Variants in POLR3B observed in about 807,000 individuals in gnomAD.
POLR3B encodes the protein RNA polymerase III subunit B.
POLR3B carries 96 observed loss-of-function variants against 147.4 expected under a neutral mutation model. The ratio of observed to expected loss-of-function variants is 0.65; its 90% CI spans 0.55 to 0.77. The LOEUF is 0.77. Among genes scored for constraint, POLR3B ranks in the 30% least tolerant of loss-of-function variants. The pLI, the probability that POLR3B is intolerant of heterozygous loss-of-function variation, is 0.00. For synonymous variants in POLR3B, 461 were observed against 485.9 expected, an observed-to-expected ratio of 0.95 and a Z score of 0.67; for missense variants, 1,036 against 1,413.5, an observed-to-expected ratio of 0.73 and a Z score of 4.28.
rs1184749525 is a variant in POLR3B, at chr12:106,457,200, A to G, written c.2356A>G (p.Thr786Ala). The G allele has an allele frequency of 1.2e-6, 2 of 1,613,032 alleles. No homozygotes were observed. Among genetic ancestry groups the G allele is most frequent in the Non-Finnish European group, 1.7e-6 (2 of 1,179,044 alleles). The change falls in exon 21 of 28, where the codon ACT (threonine) becomes GCT (alanine). Residue 786 changes from threonine to alanine, a missense_variant. Physicochemically the swap from Thr to Ala is moderately conservative, Grantham distance 58. This residue lies in a region of POLR3B where 202 missense variants were observed against 272.8 expected (regional missense o/e 0.74). Transcript: ENST00000228347. ...TACGTTGAAACGATACACCAATCAG[A>G]CTTTTGATAAAGTGATGGGGCCCAT... ...KCTLKRYTNQ[T>A]FDKVMGPMLD...
intron 19 of POLR3B, among the ~76,000 whole-genome samples, chr12:106,450,242 A>G (rs2037778157): frequency 6.6e-6 from 1 of 152,222 alleles, no homozygotes; most frequent in African/African-American, 2.4e-5. Context: ...AAAATATATT[A>G]TAGCCCTAAA....
chr12:106,413,831 T>A (rs539503670), intron 12 of POLR3B, among the ~76,000 whole-genome samples: 10 of 152,204 alleles, frequency 6.6e-5, no homozygotes, highest in African/African-American at 2.4e-4. Flanking sequence ...GTTTTTCTAA[T>A]TTAGCTCTTA....
chr12:106,367,824 A>G (rs1009442855), intron 4 of POLR3B, among the ~76,000 whole-genome samples: 1 of 152,186 alleles, frequency 6.6e-6, no homozygotes, highest in Non-Finnish European at 1.5e-5. Flanking sequence ...GACTATGCAA[A>G]TACCGTTTCT....
intron 10 of POLR3B, among the ~76,000 whole-genome samples, chr12:106,396,600 C>T (rs1213185578): frequency 6.6e-6 from 1 of 152,058 alleles, no homozygotes; most frequent in Non-Finnish European, 1.5e-5. Flanking sequence ...AATATGCAAT[C>T]CTGAATGCAT....
Position 106,375,336 on chromosome 12 carries a change from A to T in POLR3B, c.405-1023A>T, listed in dbSNP as rs192394482. 1.1e-3 allele frequency among the ~76,000 whole-genome samples: 167 copies of T among 152,164 alleles called. 4 individuals carry two copies. The East Asian group carries it at 0.017, about 16-fold the overall frequency. ...GTAGCTTTCTTTTTATCTTGTGCAG[A>T]TGTTACCGTGAGGATTTATGGCTTT... On this transcript the variant is annotated intron_variant, in intron 6 of 27. Transcript: ENST00000228347.
chr12:106,480,443 G>A (rs1486755523), intron 23 of POLR3B, among the ~76,000 whole-genome samples: 2 of 152,134 alleles, frequency 1.3e-5, no homozygotes, highest in Non-Finnish European at 2.9e-5. Context: ...GAATGAGGGT[G>A]GGGCAGTGCT....
At chr12:106,365,957 G>T (rs900772572) in intron 2 of POLR3B, among the ~76,000 whole-genome samples, 1 of 151,866 alleles carries the variant, frequency 6.6e-6, no homozygotes, top group Non-Finnish European at 1.5e-5. Flanking sequence ...CCATCTCCAT[G>T]CCTTGTCCCA....
In POLR3B at chr12:106,477,752, C is replaced by T. The variant is rs542204613; in HGVS notation, c.2713+14132C>T. ...CAGGGTACGCGCACCCACTGGCCTG[C>T]GCCCACTGTCTGGCACTCCCTACTG... is the stretch of plus-strand genomic sequence containing the variant. On this transcript the variant is annotated intron_variant, in intron 23 of 27. Transcript: ENST00000228347. 8.1e-3 allele frequency among the ~76,000 whole-genome samples: 1,229 copies of T among 152,194 alleles called. 16 individuals are homozygous for T. Among genetic ancestry groups the T allele is most frequent in the African/African-American group, 0.028 (1,167 of 41,528 alleles).
chr12:106,427,381 A>C lies in POLR3B; in HGVS notation c.1263+23A>C, dbSNP rs375807284. Reference sequence around the variant, plus strand: ...ACCGTAAGTCTTCAGTCACTCTTTTAGGATTTTGTAATTTATTTGTAAACC... The same window carrying C: ...ACCGTAAGTCTTCAGTCACTCTTTTCGGATTTTGTAATTTATTTGTAAACC... On this transcript the variant is annotated intron_variant, in intron 13 of 27. Coordinates refer to ENST00000228347, the MANE Select transcript of POLR3B (RefSeq NM_018082.6). 104 of 1,603,468 alleles carry C rather than the reference A, an allele frequency of 6.5e-5. No individual in the cohort carries two copies. The African/African-American group carries it at 1.3e-3, about 20-fold the overall frequency.
chr12:106,385,110 C>T (rs1404962372), intron 9 of POLR3B, among the ~76,000 whole-genome samples: 2 of 152,166 alleles, frequency 1.3e-5, no homozygotes, highest in East Asian at 3.8e-4. Context: ...GTGTAAGCCA[C>T]AGCGCCTGGC....
chr12:106,435,090 G>C (rs1004123730), intron 16 of POLR3B, among the ~76,000 whole-genome samples: 1 of 151,928 alleles, frequency 6.6e-6, no homozygotes, highest in Non-Finnish European at 1.5e-5. Flanking sequence ...CTGAGGCTGA[G>C]CATTTCACCT....
chr12:106,376,464 C>A lies in POLR3B; in HGVS notation c.496+14C>A. 6.4e-7 allele frequency: 1 copy of A among 1,568,574 alleles called. No individual in the cohort carries two copies. Among genetic ancestry groups the A allele is most frequent in the Non-Finnish European group, 8.8e-7 (1 of 1,139,830 alleles). On this transcript the variant is annotated intron_variant, in intron 7 of 27. Transcript: ENST00000228347. ...CCTTAGATCCAGGTATGTGTGAAGT[C>A]TTGGATTTGTCCCACTTTCCTTATT... is the stretch of plus-strand genomic sequence containing the variant.
rs184906472 is a variant in POLR3B at position 106,487,380 on chromosome 12, G to A, written c.2714-8675G>A. Among the ~76,000 whole-genome samples, 4 of 152,114 alleles carry A rather than the reference G, an allele frequency of 2.6e-5. No individual in the cohort carries two copies. In the East Asian group the frequency reaches 7.7e-4, roughly 29 times the overall value. On this transcript the variant is annotated intron_variant, in intron 23 of 27. Transcript: ENST00000228347. ...GTTTGGAAATCCTGTTTTTTCTTTT[G>A]TAGTATCTCCTGCAAGTTGACACAT...
At position 106,509,703 on chromosome 12, in the gene POLR3B, C is replaced by A; in HGVS notation, c.*154C>A. The A allele has an allele frequency of 1.5e-6, 1 of 661,190 alleles. No individual in the cohort carries two copies. The highest frequency in any genetic ancestry group is 2.6e-6 in the Non-Finnish European group (1 of 384,906). The allele number at this position is 661,190 out of a possible 1,614,324, so 41.0% of individuals were successfully genotyped here. ...AAAAAATGGAGAGGCTTTTTATATA[C>A]TCTAAGACTGGCTAAACAACCTTGA... On this transcript the variant is annotated 3_prime_UTR_variant, in exon 28 of 28. Coordinates refer to ENST00000228347, the MANE Select transcript of POLR3B (RefSeq NM_018082.6).
chr12:106,508,385 A>G (rs1166061009), intron 27 of POLR3B, among the ~76,000 whole-genome samples: 3 of 152,160 alleles, frequency 2.0e-5, no homozygotes, highest in African/African-American at 4.8e-5. Flanking sequence ...TCCCCCTTCA[A>G]TTCCTGGTCA....
chr12:106,496,964 T>C, intron 25 of POLR3B, 46 bp downstream of exon 25: 2 of 1,571,386 alleles, frequency 1.3e-6, no homozygotes, highest in Non-Finnish European at 1.7e-6. Flanking sequence ...ATGGTTTTAC[T>C]AGGATAGGGG....
intron 9 of POLR3B, among the ~76,000 whole-genome samples, chr12:106,389,513 C>A (rs1294755690): frequency 6.6e-6 from 1 of 152,128 alleles, no homozygotes; most frequent in Non-Finnish European, 1.5e-5. Context: ...AGTGGCAATC[C>A]ATACGTCAAA....
At chr12:106,369,033 C>T (rs1205344956) in intron 4 of POLR3B, among the ~76,000 whole-genome samples, 1 of 151,826 alleles carries the variant, frequency 6.6e-6, no homozygotes, top group African/African-American at 2.4e-5. Context: ...GCTGTATTTC[C>T]AGTATTTTTG....
Position 106,496,141 on chromosome 12 carries a change from T to C in POLR3B, c.2800T>C (p.Phe934Leu). 2 of 1,603,678 alleles carry C rather than the reference T, an allele frequency of 1.2e-6. No homozygotes were observed. The highest frequency in any genetic ancestry group is 1.7e-6 in the Non-Finnish European group (2 of 1,170,440). Residue 934 changes from phenylalanine to leucine, a missense_variant, in exon 24 of 28, where the codon TTC (phenylalanine) becomes CTC (leucine). Physicochemically the swap from Phe to Leu is conservative, Grantham distance 22 (BLOSUM62 0). Around this residue, in one of 12 missense-constraint regions of POLR3B, gnomAD observed 15 missense variants for 38.1 expected, o/e 0.39. Coordinates refer to ENST00000228347, the MANE Select transcript of POLR3B (RefSeq NM_018082.6). Reference protein sequence around the residue: ...CPDIIMNPHGFPSRMTVGKLI... With the variant: ...CPDIIMNPHGLPSRMTVGKLI... ...GGACATCATCATGAACCCACACGGC[T>C]TCCCATCACGAATGACGGTCAGTGA...
Sources: gnomAD v4.1 joint callset for allele counts (sites outside exome capture counted in the v4.1 genomes callset) on GRCh38, gnomAD v4.1.1 for gene constraint, gnomAD v4.1.1 regional missense constraint, MANE v1.5 for transcripts, NCBI Gene and HGNC (gene_info 2026-07-23, HGNC 2026-07-21) for gene names.